The following GRIN2B variants were observed in gnomAD, a reference collection of about 807,000 sequenced individuals.
GRIN2B encodes the protein glutamate receptor ionotropic, NMDA 2B.
In GRIN2B, 5 loss-of-function variants were observed where a neutral mutation model predicts 114.5. The ratio of observed to expected loss-of-function variants is 0.04; its 90% CI spans 0.02 to 0.09. The LOEUF (loss-of-function observed/expected upper bound fraction) is 0.09. Ranked by LOEUF, GRIN2B falls within the 10% of genes least tolerant of loss-of-function variation. The pLI, the probability that GRIN2B is intolerant of heterozygous loss-of-function variation, is 1.00. For synonymous variants in GRIN2B, 787 were observed against 745.1 expected (o/e 1.06, Z -0.92); for missense variants, 1,108 against 1,943.5 (o/e 0.57, Z 8.08).
intron 2 of GRIN2B, among the ~76,000 whole-genome samples, chr12:13,912,450 G>A (rs1565584217): frequency 6.6e-6 from 1 of 152,174 alleles, no homozygotes; most frequent in African/African-American, 2.4e-5. Context: ...TCCTATTGAA[G>A]TTACGTATTG....
Position 13,965,728 on chromosome 12 carries a change from A to T in GRIN2B, c.-19+14200T>A, listed in dbSNP as rs1283736515. Among the ~76,000 whole-genome samples the T allele has an allele frequency of 2.6e-5, 4 of 152,222 alleles. No homozygotes were observed. The East Asian group carries it at 7.7e-4, about 29-fold the overall frequency. On this transcript the variant is annotated intron_variant, in intron 2 of 13. Coordinates refer to ENST00000609686, the MANE Select transcript of GRIN2B (RefSeq NM_000834.5). ...GTTTTTCATTTTTTATTTCCTAATC[A>T]TCTTTTCTAAATATAAAAATGATAT...
chr12:13,745,225 G>A (rs1863358381), intron 4 of GRIN2B, among the ~76,000 whole-genome samples: 1 of 151,944 alleles, frequency 6.6e-6, no homozygotes, highest in African/African-American at 2.4e-5. Context: ...TCTGTAACCA[G>A]AAATGACAGC....
chr12:13,919,123 T>C (rs1462901952), intron 2 of GRIN2B, among the ~76,000 whole-genome samples: 3 of 152,234 alleles, frequency 2.0e-5, no homozygotes, highest in East Asian at 1.9e-4. Context: ...TTTATCTGCC[T>C]GATTTCAATA....
intron 4 of GRIN2B, among the ~76,000 whole-genome samples, chr12:13,727,092 C>T (rs751090354): frequency 2.2e-4 from 34 of 152,096 alleles, no homozygotes; most frequent in Admixed American, 1.0e-3. Flanking sequence ...AACCAGAAAG[C>T]GGCAGAGCTC....
chr12:13,937,005 T>C (rs1867140161), intron 2 of GRIN2B, among the ~76,000 whole-genome samples: 1 of 151,404 alleles, frequency 6.6e-6, no homozygotes, highest in Non-Finnish European at 1.5e-5. Flanking sequence ...CTTATTCTTT[T>C]ATTTTTTTCA....
chr12:13,740,092 A>G (rs1863254980), intron 4 of GRIN2B, among the ~76,000 whole-genome samples: 1 of 152,180 alleles, frequency 6.6e-6, no homozygotes, highest in Non-Finnish European at 1.5e-5. Flanking sequence ...CTTTCTCCTG[A>G]ACTCCACTCT....
intron 4 of GRIN2B, among the ~76,000 whole-genome samples, chr12:13,690,324 C>CAT (rs879363605): frequency 0.041 from 6,049 of 146,312 alleles, 169 homozygotes; most frequent in Non-Finnish European, 0.068. Context: ...CACATGCACA[C>CAT]GCACAATCTA....
At chr12:13,947,125 T>G (rs1867375492) in intron 2 of GRIN2B, among the ~76,000 whole-genome samples, 1 of 152,210 alleles carries the variant, frequency 6.6e-6, no homozygotes. Context: ...GCCTTCATAC[T>G]GCTTTGAAAG....
chr12:13,791,887 C>T (rs947344332), intron 3 of GRIN2B, among the ~76,000 whole-genome samples: 2 of 152,142 alleles, frequency 1.3e-5, no homozygotes, highest in African/African-American at 4.8e-5. Flanking sequence ...GCTGATCTAT[C>T]GAACATCAGG....
intron 5 of GRIN2B, among the ~76,000 whole-genome samples, chr12:13,653,454 G>A (rs192532024): frequency 6.7e-6 from 1 of 150,064 alleles, no homozygotes; most frequent in Admixed American, 6.7e-5. Flanking sequence ...GGGTCTCTGA[G>A]AAGATGAGAA....
At chr12:13,593,820 A>C (rs1204950821) in intron 10 of GRIN2B, among the ~76,000 whole-genome samples, 1 of 152,226 alleles carries the variant, frequency 6.6e-6, no homozygotes, top group African/African-American at 2.4e-5. Flanking sequence ...CAAAGCACTT[A>C]AATTTACAAG....
At chr12:13,616,875 A>G (rs1949450249) in intron 5 of GRIN2B, among the ~76,000 whole-genome samples, 1 of 152,248 alleles carries the variant, frequency 6.6e-6, no homozygotes, top group African/African-American at 2.4e-5. Context: ...TTTATCACTC[A>G]CTTACCAAAC....
chr12:13,667,593 G>T (rs1949989900), intron 5 of GRIN2B, among the ~76,000 whole-genome samples: 2 of 152,100 alleles, frequency 1.3e-5, no homozygotes, highest in South Asian at 4.1e-4. Context: ...GTTTGAAGAA[G>T]CATGTTATAT....
At chr12:13,606,655 G>GTTC (rs1949252960) in intron 10 of GRIN2B, among the ~76,000 whole-genome samples, 2 of 152,268 alleles carry the variant, frequency 1.3e-5, no homozygotes, top group Admixed American at 6.5e-5. Context: ...CTCTGAGGTT[G>GTTC]TTCTTCACCC....
At chr12:13,681,925 T>A (rs1014211250) in intron 4 of GRIN2B, among the ~76,000 whole-genome samples, 4 of 152,154 alleles carry the variant, frequency 2.6e-5, no homozygotes, top group Admixed American at 1.3e-4. Flanking sequence ...GAGTTTCTTT[T>A]TAGAAATTAT....
intron 2 of GRIN2B, among the ~76,000 whole-genome samples, chr12:13,948,597 C>T (rs1867411796): frequency 6.6e-6 from 1 of 152,092 alleles, no homozygotes; most frequent in African/African-American, 2.4e-5. Flanking sequence ...TTAACAAAGA[C>T]TATTCACTCA....
At chr12:13,726,960 G>A (rs116244922) in intron 4 of GRIN2B, among the ~76,000 whole-genome samples, 163 of 152,138 alleles carry the variant, frequency 1.1e-3, no homozygotes, top group African/African-American at 3.6e-3. Context: ...ATTAGTTATC[G>A]GAGCAATCCT....
rs57206826 is a variant in GRIN2B, at chr12:13,547,981, ATT to A, written c.*14800_*14801del. 5 of 68,594 alleles carry A rather than the reference ATT, an allele frequency of 7.3e-5. No individual in the cohort carries two copies. The highest frequency in any genetic ancestry group is 2.3e-4 in the African/African-American group (5 of 21,782). 4.2% of individuals were successfully genotyped at this position (68,594 alleles called of 1,614,324 possible). On this transcript the variant is annotated 3_prime_UTR_variant, in exon 14 of 14. Coordinates refer to ENST00000609686, the MANE Select transcript of GRIN2B (RefSeq NM_000834.5). ...TGTGTATATATATATATATATATAT[ATT>A]TTTTTTTTTTTTCTGAAAGCTACAG...
chr12:13,871,981 A>G (rs1027205477), intron 2 of GRIN2B, among the ~76,000 whole-genome samples: 4 of 152,044 alleles, frequency 2.6e-5, no homozygotes, highest in African/African-American at 9.7e-5. Flanking sequence ...TTCCCACCCA[A>G]TCATCCCACC....
Sources: allele counts gnomAD v4.1 joint callset (sites outside exome capture counted in the v4.1 genomes callset), GRCh38; gene constraint gnomAD v4.1.1; transcripts MANE v1.5; gene names NCBI Gene and HGNC (gene_info 2026-07-23, HGNC 2026-07-21).